MS4A6E: variants seen among roughly 807,000 people sequenced by gnomAD.
The protein encoded by MS4A6E is membrane-spanning 4-domains subfamily A member 6E.
MS4A6E carries 8 observed loss-of-function variants against 13.2 expected under a neutral mutation model. The ratio of observed to expected loss-of-function variants is 0.60; its 90% confidence interval spans 0.35 to 1.09. The LOEUF is 1.09. Ranked by LOEUF, MS4A6E falls within the 50% of genes least tolerant of loss-of-function variation. The pLI is 0.02. For synonymous variants in MS4A6E, 72 were observed against 67.6 expected, an observed-to-expected ratio of 1.06 and a Z score of -0.32; for missense variants, 177 against 171.1, an observed-to-expected ratio of 1.03 and a Z score of -0.19.
At position 60,328,979 on chromosome 11, in the gene MS4A6E, T is replaced by C. The variant is rs73493390; in HGVS notation, c.-15+1571T>C. Among the ~76,000 whole-genome samples the C allele has an allele frequency of 3.7e-3, 556 of 152,298 alleles. 3 individuals carry two copies. Among genetic ancestry groups the C allele is most frequent in the African/African-American group, 0.013 (545 of 41,570 alleles). ...ACAAACGAGTGACTATTTGAAATAA[T>C]AGATATGTTAATTTTTAAATTTTTA... On this transcript the variant is annotated intron_variant, in intron 1 of 4. Coordinates refer to ENST00000684409, the MANE Select transcript of MS4A6E (RefSeq NM_139249.4).
chr11:60,327,922 C>T (rs1196021273), intron 1 of MS4A6E, among the ~76,000 whole-genome samples: 2 of 148,500 alleles, frequency 1.3e-5, no homozygotes, highest in Admixed American at 6.9e-5. Context: ...CCCAGCTACT[C>T]GGGAGGCTGA....
intron 4 of MS4A6E, among the ~76,000 whole-genome samples, chr11:60,347,769 T>G (rs1264251989): frequency 6.6e-6 from 1 of 152,080 alleles, no homozygotes. Context: ...CTGGAGGAAC[T>G]AAGGAATGGG....
At chr11:60,345,810 G>A (rs1018843976), downstream of MS4A6E, among the ~76,000 whole-genome samples, 1 of 152,136 alleles carries the variant, frequency 6.6e-6, no homozygotes, top group Admixed American at 6.5e-5. Flanking sequence ...GGGCCACTGT[G>A]GCAATGGCTT....
intron 1 of MS4A6E, 112 bp from the exon 2 acceptor site, chr11:60,334,769 TC>T: frequency 8.6e-7 from 1 of 1,168,310 alleles, no homozygotes; most frequent in Non-Finnish European, 1.2e-6. Flanking sequence ...AGTTTCTTTC[TC>T]TAACACACAG....
At chr11:60,332,358 T>C (rs375834374) in intron 1 of MS4A6E, among the ~76,000 whole-genome samples, 4 of 152,358 alleles carry the variant, frequency 2.6e-5, no homozygotes, top group South Asian at 2.1e-4. Context: ...AACTCTTAGA[T>C]AAATTGATCC....
At chr11:60,345,044 C>T (rs2085249721), downstream of MS4A6E, among the ~76,000 whole-genome samples, 1 of 152,106 alleles carries the variant, frequency 6.6e-6, no homozygotes, top group Admixed American at 6.5e-5. Context: ...ACGCCATTCT[C>T]CTGCCTCAGC....
intron 4 of MS4A6E, among the ~76,000 whole-genome samples, chr11:60,348,793 C>T (rs2085266864): frequency 6.6e-6 from 1 of 152,224 alleles, no homozygotes; most frequent in Non-Finnish European, 1.5e-5. Flanking sequence ...CTCCAGGAAG[C>T]CTGTCATCTG....
intron 4 of MS4A6E, among the ~76,000 whole-genome samples, chr11:60,347,597 G>A (rs1012035999): frequency 4.0e-5 from 6 of 150,574 alleles, no homozygotes; most frequent in African/African-American, 1.5e-4. Flanking sequence ...AAAAAAAAAG[G>A]CCTATCTTTA....
intron 4 of MS4A6E, among the ~76,000 whole-genome samples, chr11:60,348,285 G>C (rs2085264645): frequency 6.6e-6 from 1 of 152,214 alleles, no homozygotes; most frequent in South Asian, 2.1e-4. Flanking sequence ...AATGTGCCCA[G>C]TGAGAGGATT....
At chr11:60,332,813 G>C (rs2085165166) in intron 1 of MS4A6E, among the ~76,000 whole-genome samples, 1 of 152,162 alleles carries the variant, frequency 6.6e-6, no homozygotes, top group African/African-American at 2.4e-5. Context: ...AAGACACAAA[G>C]AGAAAGCAAT....
downstream of MS4A6E, among the ~76,000 whole-genome samples, chr11:60,343,281 A>G (rs1460908273): frequency 1.3e-5 from 2 of 152,196 alleles, no homozygotes; most frequent in Non-Finnish European, 2.9e-5. Flanking sequence ...GGCTTGTAAT[A>G]CTAGTTTGCC....
chr11:60,338,883 A>C (rs2085206148), intron 3 of MS4A6E, among the ~76,000 whole-genome samples: 1 of 152,194 alleles, frequency 6.6e-6, no homozygotes, highest in South Asian at 2.1e-4. Flanking sequence ...ATGAGGAAAA[A>C]GTGCATGCAA....
At chr11:60,346,371 A>G (rs1196739039) in intron 4 of MS4A6E, among the ~76,000 whole-genome samples, 1 of 152,106 alleles carries the variant, frequency 6.6e-6, no homozygotes, top group Non-Finnish European at 1.5e-5. Context: ...TATTTAAAAG[A>G]CCAAAGTGGC....
chr11:60,329,824 C>CTT (rs35452287), intron 1 of MS4A6E, among the ~76,000 whole-genome samples: 21 of 135,150 alleles, frequency 1.6e-4, no homozygotes, highest in Non-Finnish European at 2.4e-4. Context: ...CCTTCACCCA[C>CTT]TTTTTTTTTT....
intron 4 of MS4A6E, among the ~76,000 whole-genome samples, chr11:60,348,956 G>A (rs2085267642): frequency 6.6e-6 from 1 of 152,210 alleles, no homozygotes; most frequent in South Asian, 2.1e-4. Flanking sequence ...GGAGAAGAAT[G>A]GGAGTGAAGA....
At chr11:60,335,215 G>A (rs936423567) in intron 2 of MS4A6E, among the ~76,000 whole-genome samples, 173 bp downstream of exon 2, 1 of 152,144 alleles carries the variant, frequency 6.6e-6, no homozygotes, top group Non-Finnish European at 1.5e-5. Context: ...ACAGGAGATT[G>A]TCTTAGAAAC....
At chr11:60,331,337 A>C (rs573725449) in intron 1 of MS4A6E, among the ~76,000 whole-genome samples, 3 of 152,102 alleles carry the variant, frequency 2.0e-5, no homozygotes, top group African/African-American at 7.2e-5. Context: ...ATGTGTTTAT[A>C]TATAAATAAA....
chr11:60,334,760 GTTTC>G, intron 1 of MS4A6E, 118 bp from the exon 2 acceptor site: 1 of 1,071,674 alleles, frequency 9.3e-7, no homozygotes, highest in East Asian at 2.4e-5. Context: ...CATAATATCA[GTTTC>G]TTTCTCTAAC....
chr11:60,334,926 A>C lies in MS4A6E; in HGVS notation c.31A>C (p.Ile11Leu). The C allele has an allele frequency of 6.2e-7, 1 of 1,614,088 alleles. No homozygotes were observed. Among genetic ancestry groups the C allele is most frequent in the Non-Finnish European group, 8.5e-7 (1 of 1,179,946 alleles). The change falls in exon 2 of 5, where the codon ATC (isoleucine) becomes CTC (leucine). Residue 11 changes from isoleucine to leucine, a missense_variant. Transcript: ENST00000684409. MTSQPISNET[I>L]IMLPSNVINF... ...ATCACAACCTATTTCCAATGAGACC[A>C]TCATAATGCTCCCATCAAATGTCAT...
Sources: gnomAD v4.1 joint callset for allele counts (sites outside exome capture counted in the v4.1 genomes callset) on GRCh38, gnomAD v4.1.1 for gene constraint, MANE v1.5 for transcripts, NCBI Gene and HGNC (gene_info 2026-07-23, HGNC 2026-07-21) for gene names.